Variants in FARS2 observed in about 807,000 individuals in gnomAD.
FARS2 encodes phenylalanyl-tRNA synthetase 2, mitochondrial.
In FARS2, 40 loss-of-function variants were observed where a neutral mutation model predicts 46.4. The ratio of observed to expected loss-of-function variants is 0.86; its 90% CI spans 0.67 to 1.12. The LOEUF is 1.12. Ranked by LOEUF, FARS2 falls within the 50% of genes most tolerant of loss-of-function variation. FARS2 has a pLI of 0.00. For synonymous variants in FARS2, 234 were observed against 214.9 expected, an observed-to-expected ratio of 1.09 and a Z score of -0.78; for missense variants, 513 against 567.9, an observed-to-expected ratio of 0.90 and a Z score of 0.98.
At chr6:5,768,443 T>C (rs767465819) in intron 6 of FARS2, among the ~76,000 whole-genome samples, 10 of 152,296 alleles carry the variant, frequency 6.6e-5, no homozygotes, top group Admixed American at 2.0e-4. Context: ...CCATCTTCAA[T>C]TGGCAATAAC....
At chr6:5,482,725 A>G (rs771169941) in intron 4 of FARS2, among the ~76,000 whole-genome samples, 2 of 152,156 alleles carry the variant, frequency 1.3e-5, no homozygotes, top group African/African-American at 4.8e-5. Flanking sequence ...ACCTCAGCTC[A>G]GTTGACGTGG....
At chr6:5,445,090 G>A (rs1409386488) in intron 4 of FARS2, among the ~76,000 whole-genome samples, 1 of 152,092 alleles carries the variant, frequency 6.6e-6, no homozygotes, top group African/African-American at 2.4e-5. Flanking sequence ...GTGTTTTGTT[G>A]TATAGCACCA....
intron 6 of FARS2, among the ~76,000 whole-genome samples, chr6:5,767,064 AT>A (rs917210975): frequency 1.1e-4 from 17 of 150,670 alleles, no homozygotes; most frequent in East Asian, 7.8e-4. Context: ...TCCAAAAAAA[AT>A]TTTTTTTTCA....
At chr6:5,341,198 T>TATATAG (rs1218643204) in intron 1 of FARS2, among the ~76,000 whole-genome samples, 188 of 5,726 alleles carry the variant, frequency 0.033, 4 homozygotes, top group Middle Eastern at 0.059. Context: ...GATATATATA[T>TATATAG]ATATATATAT....
intron 6 of FARS2, among the ~76,000 whole-genome samples, chr6:5,641,311 T>TA (rs60008118): frequency 6.6e-6 from 1 of 152,012 alleles, no homozygotes; most frequent in Non-Finnish European, 1.5e-5. Context: ...TATTTTATTT[T>TA]TTTGAGACAT....
rs74332209 is a variant in FARS2 at position 5,299,349 on chromosome 6, C to G, written c.-22+37689C>G. Among the ~76,000 whole-genome samples, 688 of 152,308 alleles carry G rather than the reference C, an allele frequency of 4.5e-3. 3 individuals are homozygous for G. Among genetic ancestry groups the G allele is most frequent in the African/African-American group, 0.016 (659 of 41,570 alleles). ...ATTAAATTAGAAAATCTAGGTGTAT[C>G]TTTGAACCATACAGTCAATCTGAGG... On this transcript the variant is annotated intron_variant, in intron 1 of 6. Transcript: ENST00000274680.
intron 4 of FARS2, among the ~76,000 whole-genome samples, chr6:5,467,527 C>T (rs1012199818): frequency 3.9e-5 from 6 of 152,188 alleles, no homozygotes; most frequent in African/African-American, 9.7e-5. Context: ...TCTTAGTCAA[C>T]GTTGCTATAT....
intron 4 of FARS2, among the ~76,000 whole-genome samples, chr6:5,437,310 C>G (rs1296501352): frequency 6.6e-6 from 1 of 152,044 alleles, no homozygotes; most frequent in African/African-American, 2.4e-5. Context: ...TTTCCATTCT[C>G]TAGAAGCAAA....
At position 5,340,244 on chromosome 6, in the gene FARS2, C is replaced by T. The variant is rs116701159; in HGVS notation, c.-21-28306C>T. Reference sequence around the variant, plus strand: ...ACCTGTGAGATGTTTTTCCACATGGCTTTGCCTCTGTCCAATACCCCACAT... The same window carrying T: ...ACCTGTGAGATGTTTTTCCACATGGTTTTGCCTCTGTCCAATACCCCACAT... On this transcript the variant is annotated intron_variant, in intron 1 of 6. Transcript: ENST00000274680. 1.3e-3 allele frequency among the ~76,000 whole-genome samples: 196 copies of T among 152,312 alleles called. 1 individual carries two copies. The highest frequency in any genetic ancestry group is 4.5e-3 in the African/African-American group (185 of 41,564).
intron 4 of FARS2, among the ~76,000 whole-genome samples, chr6:5,489,853 T>G (rs1389980849): frequency 2.0e-5 from 3 of 152,202 alleles, no homozygotes; most frequent in Non-Finnish European, 4.4e-5. Context: ...ATTGCCATAG[T>G]TTTCTTTGAA....
At chr6:5,578,496 A>T (rs1254858316) in intron 5 of FARS2, among the ~76,000 whole-genome samples, 1 of 152,082 alleles carries the variant, frequency 6.6e-6, no homozygotes, top group Non-Finnish European at 1.5e-5. Context: ...TTATTTTCAA[A>T]TAAAAAGATA....
At chr6:5,510,927 C>A (rs956068821) in intron 4 of FARS2, among the ~76,000 whole-genome samples, 1 of 152,150 alleles carries the variant, frequency 6.6e-6, no homozygotes, top group Admixed American at 6.5e-5. Context: ...ATGCAGCCCC[C>A]CAGTGGGCTT....
intron 6 of FARS2, among the ~76,000 whole-genome samples, chr6:5,713,826 A>G (rs1759328614): frequency 6.6e-6 from 1 of 152,248 alleles, no homozygotes; most frequent in Non-Finnish European, 1.5e-5. Flanking sequence ...GCCCCTCCCC[A>G]GCCAAGTGGC....
intron 3 of FARS2, among the ~76,000 whole-genome samples, chr6:5,410,299 G>A (rs758589266): frequency 1.9e-4 from 29 of 151,852 alleles, no homozygotes; most frequent in African/African-American, 6.5e-4. Context: ...GATTACAGGC[G>A]TGCGCCACCA....
In FARS2 at chr6:5,512,479, G is replaced by A. The variant is rs142920275; in HGVS notation, c.905-32701G>A. Among the ~76,000 whole-genome samples the A allele has an allele frequency of 1.1e-4, 16 of 152,096 alleles. No homozygotes were observed. The East Asian group carries it at 2.9e-3, about 28-fold the overall frequency. On this transcript the variant is annotated intron_variant, in intron 4 of 6. Coordinates refer to ENST00000274680, the MANE Select transcript of FARS2 (RefSeq NM_006567.5). Reference sequence around the variant, plus strand: ...ATGTTCCTGAAGGAAATTAGCAAAGGCTTTTGGGTGTCTTTATGAAGGAGA... The same window carrying A: ...ATGTTCCTGAAGGAAATTAGCAAAGACTTTTGGGTGTCTTTATGAAGGAGA...
At chr6:5,280,840 T>C in intron 1 of FARS2, among the ~76,000 whole-genome samples, 1 of 152,170 alleles carries the variant, frequency 6.6e-6, no homozygotes, top group East Asian at 1.9e-4. Context: ...TTTCAATATA[T>C]TGTAGGTATA....
At chr6:5,292,882 G>C (rs1297529763) in intron 1 of FARS2, among the ~76,000 whole-genome samples, 1 of 152,180 alleles carries the variant, frequency 6.6e-6, no homozygotes, top group Non-Finnish European at 1.5e-5. Context: ...GATGATGGAA[G>C]ATCCTTAAAG....
At chr6:5,422,811 A>C (rs1487347065) in intron 3 of FARS2, among the ~76,000 whole-genome samples, 1 of 152,206 alleles carries the variant, frequency 6.6e-6, no homozygotes, top group Non-Finnish European at 1.5e-5. Context: ...TTTATTAAAA[A>C]GTGAGATGTT....
chr6:5,565,108 T>G (rs1252084860), intron 5 of FARS2, among the ~76,000 whole-genome samples: 1 of 152,318 alleles, frequency 6.6e-6, no homozygotes, highest in African/African-American at 2.4e-5. Flanking sequence ...ACAGATAGTT[T>G]CCAAATTCTA....
Sources: allele counts gnomAD v4.1 joint callset (sites outside exome capture counted in the v4.1 genomes callset), GRCh38; gene constraint gnomAD v4.1.1; transcripts MANE v1.5; gene names NCBI Gene and HGNC (gene_info 2026-07-23, HGNC 2026-07-21).